IGDCC3: variants seen among roughly 807,000 people sequenced by gnomAD.
The protein encoded by IGDCC3 is immunoglobulin superfamily DCC subclass member 3, also known as putative neuronal cell adhesion molecule.
A neutral mutation model predicts 72.0 loss-of-function variants in IGDCC3; 47 were observed. The observed-to-expected ratio is 0.65, with a 90% CI of 0.52 to 0.83. IGDCC3 has a LOEUF of 0.83. Ranked by LOEUF, IGDCC3 falls within the 40% of genes least tolerant of loss-of-function variation. The probability of loss-of-function intolerance (pLI) is 0.00; values close to 1 mark genes in which losing one functional copy is unlikely to be tolerated. For missense variants in IGDCC3, 1,038 were observed against 1,091.3 expected, an observed-to-expected ratio of 0.95 and a Z score of 0.69; for synonymous variants, 477 against 472.8, an observed-to-expected ratio of 1.01 and a Z score of -0.11.
intron 9 of IGDCC3, 134 bp downstream of exon 9, chr15:65,330,916 A>G: frequency 7.8e-6 from 9 of 1,155,990 alleles, no homozygotes; most frequent in South Asian, 1.5e-5. Context: ...CCTTTCCTCC[A>G]AGTAGACTCA....
chr15:65,337,104 C>G (rs569121), intron 2 of IGDCC3, among the ~76,000 whole-genome samples: 152,278 of 152,294 alleles, frequency 1, 76,131 homozygotes, highest in Middle Eastern at 1. Context: ...TGGCCCCCAT[C>G]CCCCATCTCA....
rs2091060793 is a variant in IGDCC3 at position 65,339,512 on chromosome 15, CAT to C, written c.410-3558_410-3557del. Among the ~76,000 whole-genome samples, 1 of 152,220 alleles carries C rather than the reference CAT, an allele frequency of 6.6e-6. No individual in the cohort carries two copies. The highest frequency in any genetic ancestry group is 2.1e-4 in the South Asian group (1 of 4,838). The stretch of plus-strand genomic sequence containing the variant: ...CCCCCTCTAGTTTCTCAGGGTGGAA[CAT>C]GTTTGATTCACAAGTGTGTTTATGC... On this transcript the variant is annotated intron_variant, in intron 2 of 13. Transcript: ENST00000327987. This position sits in a 1 kb window ranked among gnomAD's most constrained non-coding sequence, Gnocchi z 4.1.
At chr15:65,359,403 G>A (rs963462881) in intron 2 of IGDCC3, among the ~76,000 whole-genome samples, 2 of 152,102 alleles carry the variant, frequency 1.3e-5, no homozygotes, top group South Asian at 2.1e-4. Flanking sequence ...CATGGAGCCT[G>A]GCCTGTGAGC....
At chr15:65,375,507 C>A in intron 1 of IGDCC3, 105 bp from the exon 2 acceptor site, 1 of 803,376 alleles carries the variant, frequency 1.2e-6, no homozygotes, top group Admixed American at 2.9e-5. Flanking sequence ...GGTCTATGCA[C>A]CCCATCCCCA....
intron 8 of IGDCC3, 39 bp downstream of exon 8, chr15:65,331,373 T>C (rs1374247835): frequency 3.8e-6 from 6 of 1,574,608 alleles, no homozygotes; most frequent in Non-Finnish European, 5.2e-6. Context: ...TAAGAAATAG[T>C]GAATTAGAGG....
rs776056063 is a variant in IGDCC3, at chr15:65,329,840, C to T, written c.1883G>A (p.Arg628Gln). The T allele has an allele frequency of 2.4e-5, 38 of 1,613,926 alleles. No individual in the cohort carries two copies. The highest frequency in any genetic ancestry group is 3.3e-5 in the Admixed American group (2 of 59,998). ...CGTCTGGTTGGCGGCCTCCTCCTTC[C>T]GGCAGTCACATGGTGGGCTCAAGGC... is the stretch of plus-strand genomic sequence containing the variant. ...RTALSPPCDC[R>Q]KEEAANQTST... The change falls in exon 12 of 14, where the codon CGG becomes CAG. Residue 628 changes from arginine (R) to glutamine (Q), a missense_variant. Coordinates refer to ENST00000327987, the MANE Select transcript of IGDCC3 (RefSeq NM_004884.4). The surrounding 1 kb of genome is among the most constrained non-coding windows in gnomAD (Gnocchi z 4.1).
chr15:65,335,137 T>A (rs1460975911), intron 4 of IGDCC3, among the ~76,000 whole-genome samples, 154 bp downstream of exon 4: 3 of 152,086 alleles, frequency 2.0e-5, no homozygotes, highest in Non-Finnish European at 4.4e-5. Flanking sequence ...CTTAGATTCC[T>A]GTGCACCCTC....
At position 65,339,417 on chromosome 15, in the gene IGDCC3, G is replaced by A. The variant is rs569186504; in HGVS notation, c.410-3461C>T. Among the ~76,000 whole-genome samples the A allele has an allele frequency of 2.9e-4, 44 of 152,302 alleles. No individual in the cohort carries two copies. Among genetic ancestry groups the A allele is most frequent in the Admixed American group, 5.2e-4 (8 of 15,300 alleles). On this transcript the variant is annotated intron_variant, in intron 2 of 13. Coordinates refer to ENST00000327987, the MANE Select transcript of IGDCC3 (RefSeq NM_004884.4). The surrounding 1 kb of genome is among the most constrained non-coding windows in gnomAD (Gnocchi z 4.1). ...TCTTATAGAGACAGGGTCTCCCTAC[G>A]TTGCCCGGACTGGCACAGCATTTTT...
chr15:65,340,921 G>A (rs760202157), intron 2 of IGDCC3, among the ~76,000 whole-genome samples: 3 of 152,114 alleles, frequency 2.0e-5, no homozygotes, highest in Admixed American at 6.6e-5. Flanking sequence ...TAGAGACAGC[G>A]TTTTGCCATG....
intron 2 of IGDCC3, among the ~76,000 whole-genome samples, chr15:65,343,963 T>A (rs1402311806): frequency 6.6e-6 from 1 of 152,164 alleles, no homozygotes; most frequent in Admixed American, 6.5e-5. Context: ...CTGTCCCAGG[T>A]ACCCATCATC....
Position 65,335,384 on chromosome 15 carries a change from C to T in IGDCC3, c.592G>A (p.Gly198Arg), listed in dbSNP as rs747261786. The T allele has an allele frequency of 1.2e-6, 2 of 1,613,676 alleles. No individual in the cohort carries two copies. The highest frequency in any genetic ancestry group is 2.7e-5 in the African/African-American group (2 of 74,862). The change falls in exon 4 of 14, where the codon GGA becomes AGA. Residue 198 changes from glycine to arginine, a missense_variant. Coordinates refer to ENST00000327987, the MANE Select transcript of IGDCC3 (RefSeq NM_004884.4). Reference protein sequence around the residue: ...LLPKGVLQITGLRAEDGGIFH... With the variant: ...LLPKGVLQITRLRAEDGGIFH... ...ATGCCACCGTCCTCAGCTCGAAGTC[C>T]TGTGATCTGCAGGACCCCCTTGGGC...
In IGDCC3 at chr15:65,331,455, GGTGT is replaced by G; in HGVS notation, c.1349_1352del (p.Asn450ThrfsTer64). 6.2e-7 allele frequency: 1 copy of G among 1,612,868 alleles called. No homozygotes were observed. The highest frequency in any genetic ancestry group is 8.5e-7 in the Non-Finnish European group (1 of 1,179,466). On this transcript the variant is annotated frameshift_variant, in exon 8 of 14. Coordinates refer to ENST00000327987, the MANE Select transcript of IGDCC3 (RefSeq NM_004884.4). LOFTEE classifies it high-confidence loss of function. ...GCAGGACGTAGCCGATGATCTCCTT[GGTGT>G]TGGCCAGCGGCTCACTCCAGGACAC...
At chr15:65,332,493 G>A (rs996022446) in intron 6 of IGDCC3, among the ~76,000 whole-genome samples, 6 of 152,106 alleles carry the variant, frequency 3.9e-5, no homozygotes, top group African/African-American at 7.2e-5. Flanking sequence ...CCTCAGTACC[G>A]GGGGCCCCCT....
chr15:65,364,767 GC>G (rs1267140185), intron 2 of IGDCC3, among the ~76,000 whole-genome samples: 2 of 152,184 alleles, frequency 1.3e-5, no homozygotes, highest in Non-Finnish European at 2.9e-5. Flanking sequence ...TGTAGTCCCA[GC>G]TTTTTGGGAG....
intron 2 of IGDCC3, chr15:65,355,960 G>A: frequency 3.6e-6 from 1 of 277,932 alleles, no homozygotes; most frequent in South Asian, 2.5e-5. Flanking sequence ...CGAGGAAATA[G>A]GCCCTTCACC....
At chr15:65,368,529 G>A (rs1048718688) in intron 2 of IGDCC3, among the ~76,000 whole-genome samples, 2 of 152,148 alleles carry the variant, frequency 1.3e-5, no homozygotes, top group East Asian at 3.9e-4. Flanking sequence ...GCGGGTGGGG[G>A]TGAGTGGAGG....
Position 65,329,680 on chromosome 15 carries a change from G to A in IGDCC3, c.1997+46C>T, listed in dbSNP as rs559412787. 2.5e-6 allele frequency: 4 copies of A among 1,612,932 alleles called. No homozygotes were observed. Among genetic ancestry groups the A allele is most frequent in the Non-Finnish European group, 3.4e-6 (4 of 1,179,234 alleles). On this transcript the variant is annotated intron_variant, in intron 12 of 13. Transcript: ENST00000327987. This position sits in a 1 kb window ranked among gnomAD's most constrained non-coding sequence, Gnocchi z 4.1. ...CCCACACTCACCTTCTCTAGGCCTA[G>A]TCCCCCACACACCAGCCCAGCCCCT... is the stretch of plus-strand genomic sequence containing the variant.
intron 2 of IGDCC3, among the ~76,000 whole-genome samples, chr15:65,359,657 G>A (rs1326638879): frequency 6.6e-6 from 1 of 152,154 alleles, no homozygotes; most frequent in Non-Finnish European, 1.5e-5. Flanking sequence ...GGTGTTTCAG[G>A]GAAGAGAATA....
Position 65,339,647 on chromosome 15 carries a change from C to T in IGDCC3, c.410-3691G>A, listed in dbSNP as rs1399946110. 6.6e-6 allele frequency among the ~76,000 whole-genome samples: 1 copy of T among 152,190 alleles called. No homozygotes were observed. Among genetic ancestry groups the T allele is most frequent in the African/African-American group, 2.4e-5 (1 of 41,444 alleles). On this transcript the variant is annotated intron_variant, in intron 2 of 13. Coordinates refer to ENST00000327987, the MANE Select transcript of IGDCC3 (RefSeq NM_004884.4). The surrounding 1 kb of genome is among the most constrained non-coding windows in gnomAD (Gnocchi z 4.1). ...TGAGGAAGTGGGGCTGAGGGCCGGA[C>T]TTCAGGGCACCCTGAGATCTGAACA...
Sources: gnomAD v4.1 joint callset for allele counts (sites outside exome capture counted in the v4.1 genomes callset) on GRCh38, gnomAD v4.1.1 for gene constraint, Gnocchi (gnomAD v3.1) non-coding constraint, MANE v1.5 for transcripts, NCBI Gene and HGNC (gene_info 2026-07-23, HGNC 2026-07-21) for gene names.